Variants in PLOD2 observed in about 807,000 individuals in gnomAD.
PLOD2 encodes the protein lysine hydroxylase 2.
Under a neutral mutation model 101.0 loss-of-function variants are expected in PLOD2, and 65 were observed. The observed-to-expected ratio is 0.64, with a 90% CI of 0.53 to 0.79. The LOEUF is 0.79. Among genes scored for constraint, PLOD2 ranks in the 30% least tolerant of loss-of-function variants. PLOD2 has a pLI of 0.00. For missense variants in PLOD2, 909 were observed against 914.6 expected (o/e 0.99, Z 0.08); for synonymous variants, 314 against 302.9 (o/e 1.04, Z -0.38).
intron 11 of PLOD2, among the ~76,000 whole-genome samples, chr3:146,082,222 C>T (rs1208743609): frequency 6.6e-6 from 1 of 152,058 alleles, no homozygotes; most frequent in Non-Finnish European, 1.5e-5. Flanking sequence ...TATTTCGGAA[C>T]CTATATTAAA....
chr3:146,112,678 C>T (rs1004029030), intron 3 of PLOD2, among the ~76,000 whole-genome samples: 2 of 151,716 alleles, frequency 1.3e-5, no homozygotes, highest in African/African-American at 4.8e-5. Context: ...TAGTGAAAAC[C>T]CATCTCTACT....
intron 1 of PLOD2, among the ~76,000 whole-genome samples, chr3:146,146,328 A>G (rs2031773431): frequency 6.6e-6 from 1 of 152,182 alleles, no homozygotes; most frequent in South Asian, 2.1e-4. Context: ...GGAGCTAAAC[A>G]TTTGGATGTA....
chr3:146,159,797 C>G (rs1386933318), intron 1 of PLOD2, among the ~76,000 whole-genome samples: 1 of 152,150 alleles, frequency 6.6e-6, no homozygotes, highest in Non-Finnish European at 1.5e-5. Context: ...CTCAAGCTAA[C>G]AAAGCAAGCA....
intron 1 of PLOD2, among the ~76,000 whole-genome samples, chr3:146,151,776 T>A (rs138679413): frequency 2.7e-4 from 39 of 147,022 alleles, no homozygotes; most frequent in African/African-American, 9.3e-4. Context: ...CTTGTGTGGT[T>A]TTTGTTTGTT....
At chr3:146,101,162 C>T (rs1443194601) in intron 7 of PLOD2, among the ~76,000 whole-genome samples, 1 of 152,064 alleles carries the variant, frequency 6.6e-6, no homozygotes, top group Non-Finnish European at 1.5e-5. Flanking sequence ...GTATTCTGAC[C>T]TGGAGCTTAG....
At chr3:146,159,752 G>C (rs1282699174) in intron 1 of PLOD2, among the ~76,000 whole-genome samples, 2 of 152,206 alleles carry the variant, frequency 1.3e-5, no homozygotes, top group Non-Finnish European at 2.9e-5. Context: ...AAAGCATCCT[G>C]TAACTGATAG....
intron 17 of PLOD2, 74 bp from the exon 18 acceptor site, chr3:146,071,497 C>T: frequency 7.4e-7 from 1 of 1,350,396 alleles, no homozygotes; most frequent in South Asian, 1.2e-5. Context: ...TATTTTTTTT[C>T]AACCACAGAT....
At chr3:146,140,159 C>T (rs185302681) in intron 1 of PLOD2, among the ~76,000 whole-genome samples, 52 of 151,900 alleles carry the variant, frequency 3.4e-4, no homozygotes, top group Non-Finnish European at 6.8e-4. Flanking sequence ...CAGGTTATGT[C>T]TGAAAGAGTC....
At chr3:146,103,090 G>A (rs1276611981) in intron 6 of PLOD2, among the ~76,000 whole-genome samples, 6 of 152,160 alleles carry the variant, frequency 3.9e-5, no homozygotes, top group African/African-American at 1.4e-4. Flanking sequence ...CCTGGCACCA[G>A]TAAAGTGATT....
intron 7 of PLOD2, among the ~76,000 whole-genome samples, chr3:146,095,967 G>A (rs1008927467): frequency 9.4e-5 from 12 of 127,624 alleles, no homozygotes; most frequent in Non-Finnish European, 1.9e-4. Context: ...CTGCCATCTC[G>A]GCTCACTGCA....
At position 146,145,466 on chromosome 3, in the gene PLOD2, A is replaced by C. The variant is rs1209330359; in HGVS notation, c.109+15415T>G. Among the ~76,000 whole-genome samples the C allele has an allele frequency of 2.0e-5, 3 of 152,146 alleles. No homozygotes were observed. In the East Asian group the frequency reaches 5.8e-4, roughly 29 times the overall value. On this transcript the variant is annotated intron_variant, in intron 1 of 19. Coordinates refer to ENST00000282903, the MANE Select transcript of PLOD2 (RefSeq NM_182943.3). ...GTGTAGTTGGGGTGTCCCAACTCCA[A>C]ATAATGTGAGGAAGATCAACATTCT...
At chr3:146,156,317 G>C (rs1179755365) in intron 1 of PLOD2, among the ~76,000 whole-genome samples, 1 of 152,216 alleles carries the variant, frequency 6.6e-6, no homozygotes, top group South Asian at 2.1e-4. Flanking sequence ...GTTCGGCAAA[G>C]TTTTTCTGTA....
chr3:146,123,282 C>T, intron 2 of PLOD2: 2 of 1,166,406 alleles, frequency 1.7e-6, no homozygotes, highest in Non-Finnish European at 2.2e-6. Flanking sequence ...TCTCCTTGTT[C>T]TCCTCTTATT....
chr3:146,104,276 T>C lies in PLOD2; in HGVS notation c.679+3A>G. The stretch of plus-strand genomic sequence containing the variant: ...TAAGCAATCCGGTATTTAGGAAGCA[T>C]ACCTACAGCTCCATTTAAGGTCTGG... On this transcript the variant is annotated splice_donor_region_variant and intron_variant, in intron 6 of 19. Transcript: ENST00000282903. 6.4e-7 allele frequency: 1 copy of C among 1,560,100 alleles called. No homozygotes were observed. The highest frequency in any genetic ancestry group is 8.8e-7 in the Non-Finnish European group (1 of 1,130,740).
At chr3:146,136,492 C>A (rs1472358473) in intron 1 of PLOD2, among the ~76,000 whole-genome samples, 1 of 152,082 alleles carries the variant, frequency 6.6e-6, no homozygotes, top group Non-Finnish European at 1.5e-5. Context: ...ATGAAACATA[C>A]ACGAATTTCA....
intron 5 of PLOD2, among the ~76,000 whole-genome samples, chr3:146,104,747 C>T (rs1198889617): frequency 1.3e-5 from 2 of 152,154 alleles, no homozygotes; most frequent in Non-Finnish European, 2.9e-5. Flanking sequence ...TCTCTAGGGT[C>T]TATGGAAGAC....
chr3:146,114,891 T>A (rs1182538362), intron 3 of PLOD2, among the ~76,000 whole-genome samples: 1 of 152,140 alleles, frequency 6.6e-6, no homozygotes, highest in East Asian at 1.9e-4. Flanking sequence ...CAGCACAGGC[T>A]CTGAGAGGGA....
intron 7 of PLOD2, among the ~76,000 whole-genome samples, chr3:146,097,002 G>C (rs1384168738): frequency 2.0e-5 from 3 of 147,296 alleles, no homozygotes; most frequent in African/African-American, 7.5e-5. Context: ...AGGGAGGTGG[G>C]GGGGTCAGCC....
At chr3:146,111,226 A>C (rs1937626732) in intron 3 of PLOD2, among the ~76,000 whole-genome samples, 1 of 152,258 alleles carries the variant, frequency 6.6e-6, no homozygotes, top group East Asian at 1.9e-4. Context: ...ATCACAAATT[A>C]TTTTACATTT....
Sources: gnomAD v4.1 joint callset for allele counts (sites outside exome capture counted in the v4.1 genomes callset) on GRCh38, gnomAD v4.1.1 for gene constraint, MANE v1.5 for transcripts, NCBI Gene and HGNC (gene_info 2026-07-23, HGNC 2026-07-21) for gene names.